The following TMED3 variants were observed in gnomAD, a reference collection of about 807,000 sequenced individuals.
TMED3 encodes transmembrane p24 trafficking protein 3, also known as transmembrane emp24 domain-containing protein 3.
TMED3 carries 9 observed loss-of-function variants against 15.0 expected under a neutral mutation model. That is an observed-to-expected ratio of 0.60 (90% CI 0.36 to 1.04). The LOEUF (loss-of-function observed/expected upper bound fraction) is 1.04, where lower values mean the gene tolerates loss of function less well. Ranked by LOEUF, TMED3 falls within the 50% of genes least tolerant of loss-of-function variation. TMED3 has a pLI of 0.01. For missense variants in TMED3, 267 were observed against 278.9 expected (o/e 0.96, Z 0.30); for synonymous variants, 117 against 121.4 (o/e 0.96, Z 0.24).
chr15:79,350,962 A>G (rs959263811), intron 2 of TMED3, among the ~76,000 whole-genome samples: 6 of 152,166 alleles, frequency 3.9e-5, no homozygotes, highest in African/African-American at 1.4e-4. Flanking sequence ...TCAAATTAGA[A>G]GAGATATGGG....
intron 2 of TMED3, among the ~76,000 whole-genome samples, chr15:79,382,785 C>T (rs922848915): frequency 2.0e-5 from 3 of 152,188 alleles, no homozygotes; most frequent in African/African-American, 7.2e-5. Context: ...ACTCCTCATC[C>T]TGAATTTCAA....
intron 2 of TMED3, among the ~76,000 whole-genome samples, chr15:79,382,736 TATGGCTA>T (rs1893557678): frequency 6.6e-6 from 1 of 152,200 alleles, no homozygotes; most frequent in African/African-American, 2.4e-5. Context: ...CTTCTACCAG[TATGGCTA>T]ATGGCTTTTT....
chr15:79,372,675 C>T (rs1484895054), intron 2 of TMED3, among the ~76,000 whole-genome samples: 1 of 152,146 alleles, frequency 6.6e-6, no homozygotes, highest in Non-Finnish European at 1.5e-5. Context: ...AAACTAGCCC[C>T]CATGATTCAA....
intron 2 of TMED3, among the ~76,000 whole-genome samples, chr15:79,406,129 G>A (rs1358813971): frequency 6.6e-6 from 1 of 152,178 alleles, no homozygotes; most frequent in Non-Finnish European, 1.5e-5. Flanking sequence ...ACAGAGATGT[G>A]ATGAGGACCA....
chr15:79,379,794 CAGCT>C (rs1340979705), intron 2 of TMED3, among the ~76,000 whole-genome samples: 1 of 152,062 alleles, frequency 6.6e-6, no homozygotes, highest in African/African-American at 2.4e-5. Context: ...ATCAGTCTGA[CAGCT>C]AGCATATAAT....
rs1278756989 is a variant in TMED3, at chr15:79,373,866, G to A, written c.418-37534G>A. 2.0e-5 allele frequency among the ~76,000 whole-genome samples: 3 copies of A among 152,312 alleles called. 1 individual carries two copies. The South Asian group carries it at 6.2e-4, about 32-fold the overall frequency. On this transcript the variant is annotated intron_variant, in intron 2 of 2. Coordinates refer to the TMED3 transcript ENST00000424155. ...TCATAGGTGGATTCAAAGATGTCCC[G>A]ATTGGCAGTTGGTTGAAAGGATTAA...
chr15:79,413,172 C>G (rs926497697), exon 3 of TMED3: 2 of 152,228 alleles, frequency 1.3e-5, no homozygotes, highest in Non-Finnish European at 2.9e-5. Flanking sequence ...TACCTTCTTT[C>G]TCCAAATGAC....
intron 2 of TMED3, among the ~76,000 whole-genome samples, chr15:79,345,839 C>A (rs1311895772): frequency 1.3e-5 from 2 of 152,146 alleles, no homozygotes; most frequent in African/African-American, 4.8e-5. Flanking sequence ...TACTAATAGC[C>A]ATTCTGACTG....
intron 2 of TMED3, among the ~76,000 whole-genome samples, chr15:79,402,550 C>T (rs750607564): frequency 3.3e-5 from 5 of 152,046 alleles, no homozygotes; most frequent in Non-Finnish European, 5.9e-5. Flanking sequence ...GAGGCTGAGG[C>T]GGGTGGATCA....
intron 2 of TMED3, among the ~76,000 whole-genome samples, chr15:79,362,211 A>T (rs1243954789): frequency 6.6e-6 from 1 of 151,990 alleles, no homozygotes; most frequent in Non-Finnish European, 1.5e-5. Flanking sequence ...GATGTCTACA[A>T]TTCCAGCACT....
intron 2 of TMED3, among the ~76,000 whole-genome samples, chr15:79,364,372 G>A (rs1003670843): frequency 1.3e-5 from 2 of 151,918 alleles, no homozygotes; most frequent in Non-Finnish European, 2.9e-5. Context: ...GAGGTTCTCC[G>A]GGGGCTCTTT....
chr15:79,348,234 C>T (rs1158480430), intron 2 of TMED3, among the ~76,000 whole-genome samples: 1 of 152,182 alleles, frequency 6.6e-6, no homozygotes, highest in Non-Finnish European at 1.5e-5. Flanking sequence ...TGACAGGTCA[C>T]TTGTCACACA....
intron 2 of TMED3, among the ~76,000 whole-genome samples, chr15:79,366,686 A>G (rs1979966): frequency 0.11 from 17,259 of 152,264 alleles, 1,049 homozygotes; most frequent in Admixed American, 0.14. Flanking sequence ...TCTTTGGAAA[A>G]GCTGGCCATT....
At chr15:79,407,597 G>A (rs533836950) in intron 2 of TMED3, among the ~76,000 whole-genome samples, 2 of 152,254 alleles carry the variant, frequency 1.3e-5, no homozygotes, top group South Asian at 4.1e-4. Context: ...CAACTATACA[G>A]CCCAAGGACC....
At chr15:79,360,328 A>G (rs1893099464) in intron 2 of TMED3, among the ~76,000 whole-genome samples, 1 of 152,112 alleles carries the variant, frequency 6.6e-6, no homozygotes, top group African/African-American at 2.4e-5. Context: ...TAGAGGGCCC[A>G]GGTTTCTGTG....
intron 2 of TMED3, among the ~76,000 whole-genome samples, chr15:79,404,801 A>G (rs1465304801): frequency 6.6e-6 from 1 of 152,210 alleles, no homozygotes; most frequent in Non-Finnish European, 1.5e-5. Context: ...ACCTTCCCAC[A>G]TGTCCCTCAT....
rs2058727872 is a variant in TMED3 at position 79,313,767 on chromosome 15, G to A, written c.179G>A (p.Gly60Glu). The A allele has an allele frequency of 6.2e-7, 1 of 1,613,608 alleles. No individual in the cohort carries two copies. The highest frequency in any genetic ancestry group is 8.5e-7 in the Non-Finnish European group (1 of 1,179,580). ...KFSLDYQVIT[G>E]GHYDVDCYVE... Reference sequence around the variant, plus strand: ...TTTTATGGTTGTCAGGTCATCACTGGAGGCCACTACGATGTTGACTGCTAT... The same window carrying A: ...TTTTATGGTTGTCAGGTCATCACTGAAGGCCACTACGATGTTGACTGCTAT... Residue 60 changes from glycine (G) to glutamate (E), a missense_variant, in exon 2 of 3, where the codon GGA becomes GAA. Transcript: ENST00000299705.
At chr15:79,336,495 T>C (rs1480116528) in intron 2 of TMED3, among the ~76,000 whole-genome samples, 4 of 152,102 alleles carry the variant, frequency 2.6e-5, no homozygotes, top group Admixed American at 6.6e-5. Context: ...CTGCCTCTAC[T>C]AAAAATACAA....
chr15:79,386,126 T>TG (rs1205231345), intron 2 of TMED3, among the ~76,000 whole-genome samples: 1 of 152,150 alleles, frequency 6.6e-6, no homozygotes, highest in Non-Finnish European at 1.5e-5. Flanking sequence ...TTCCAAGGGC[T>TG]GGGGGCTGGA....
Sources: allele counts gnomAD v4.1 joint callset (sites outside exome capture counted in the v4.1 genomes callset), GRCh38; gene constraint gnomAD v4.1.1; transcripts MANE v1.5; gene names NCBI Gene and HGNC (gene_info 2026-07-23, HGNC 2026-07-21).